The following TOGARAM2 variants were observed in gnomAD, a reference collection of about 807,000 sequenced individuals.
The protein encoded by TOGARAM2 is TOG array regulator of axonemal microtubules 2.
In TOGARAM2, 85 loss-of-function variants were observed where a neutral mutation model predicts 93.3. That is an observed-to-expected ratio of 0.91 (90% CI 0.76 to 1.09). TOGARAM2 has a LOEUF of 1.09. Among genes scored for constraint, TOGARAM2 ranks in the 50% least tolerant of loss-of-function variants. The pLI, the probability that TOGARAM2 is intolerant of heterozygous loss-of-function variation, is 0.00. For synonymous variants in TOGARAM2, 593 were observed against 552.8 expected, an observed-to-expected ratio of 1.07 and a Z score of -1.02; for missense variants, 1,277 against 1,334.5, an observed-to-expected ratio of 0.96 and a Z score of 0.67.
upstream of TOGARAM2, among the ~76,000 whole-genome samples, chr2:28,979,472 G>T (rs1173716360): frequency 6.6e-6 from 1 of 152,206 alleles, no homozygotes; most frequent in African/African-American, 2.4e-5. Flanking sequence ...GAATCCAGGG[G>T]CTTCAGAGCC....
intron 4 of TOGARAM2, among the ~76,000 whole-genome samples, chr2:29,001,941 C>T (rs1261548286): frequency 6.6e-6 from 1 of 151,984 alleles, no homozygotes; most frequent in East Asian, 1.9e-4. Flanking sequence ...TTGCCCTGTG[C>T]CTTTGCCTGA....
intron 6 of TOGARAM2, among the ~76,000 whole-genome samples, chr2:29,005,724 CAT>C (rs1663706936): frequency 9.7e-6 from 1 of 103,532 alleles, no homozygotes. Flanking sequence ...TGCATGTGTG[CAT>C]GTGTGTGAGC....
At chr2:29,034,535 G>C (rs1665966325) in intron 16 of TOGARAM2, among the ~76,000 whole-genome samples, 3 of 152,346 alleles carry the variant, frequency 2.0e-5, no homozygotes, top group Admixed American at 2.0e-4. Context: ...AATGAGTGTG[G>C]AATGCAGGAG....
chr2:29,044,886 C>T (rs1396729575), intron 18 of TOGARAM2, among the ~76,000 whole-genome samples: 1 of 151,966 alleles, frequency 6.6e-6, no homozygotes, highest in Non-Finnish European at 1.5e-5. Flanking sequence ...GATTCTGTTT[C>T]CCCTAAAACA....
At chr2:28,988,508 A>G (rs1454798281) in intron 1 of TOGARAM2, among the ~76,000 whole-genome samples, 1 of 151,832 alleles carries the variant, frequency 6.6e-6, no homozygotes, top group Non-Finnish European at 1.5e-5. Context: ...CCGCTCCATC[A>G]GCTCCCCTCC....
At chr2:29,045,496 T>C (rs1349711774) in intron 19 of TOGARAM2, 86 bp downstream of exon 19, 5 of 1,204,580 alleles carry the variant, frequency 4.2e-6, no homozygotes, top group Non-Finnish European at 6.1e-6. Flanking sequence ...CACCCAGTTA[T>C]CTTAGACCTG....
chr2:29,029,401 C>T (rs920896710), intron 14 of TOGARAM2, among the ~76,000 whole-genome samples: 9 of 151,980 alleles, frequency 5.9e-5, no homozygotes, highest in African/African-American at 1.9e-4. Context: ...GAATGGAAAA[C>T]CAAACATCGT....
intron 14 of TOGARAM2, among the ~76,000 whole-genome samples, chr2:29,029,974 G>A (rs1164876053): frequency 6.6e-6 from 1 of 151,970 alleles, no homozygotes; most frequent in Non-Finnish European, 1.5e-5. Context: ...ACAAAAACAG[G>A]CAAACAAAAC....
At chr2:28,960,827 T>C (rs1243740121) in intron 1 of TOGARAM2, among the ~76,000 whole-genome samples, 1 of 152,200 alleles carries the variant, frequency 6.6e-6, no homozygotes, top group Admixed American at 6.5e-5. Flanking sequence ...TGTGGCTGAG[T>C]GACAGAATTG....
At chr2:28,976,160 G>A (rs957883613) in intron 1 of TOGARAM2, among the ~76,000 whole-genome samples, 1 of 152,174 alleles carries the variant, frequency 6.6e-6, no homozygotes, top group Non-Finnish European at 1.5e-5. Flanking sequence ...CACGAGGTCA[G>A]GAGATCGAGA....
At chr2:28,964,667 A>G (rs1297395923) in intron 1 of TOGARAM2, among the ~76,000 whole-genome samples, 1 of 95,028 alleles carries the variant, frequency 1.1e-5, no homozygotes, top group Non-Finnish European at 2.1e-5. Flanking sequence ...GGCCCCTTCC[A>G]TGTGTTGTTC....
At chr2:28,982,489 C>T (rs1245415766) in intron 1 of TOGARAM2, among the ~76,000 whole-genome samples, 2 of 152,190 alleles carry the variant, frequency 1.3e-5, no homozygotes, top group Non-Finnish European at 2.9e-5. Context: ...CCTCGCTCTT[C>T]TCACCAATGC....
chr2:29,036,461 T>G, intron 17 of TOGARAM2, 80 bp from the exon 18 acceptor site: 4 of 1,387,608 alleles, frequency 2.9e-6, no homozygotes, highest in Non-Finnish European at 4.1e-6. Context: ...TTGGGCCAGG[T>G]GAGCTCCAAG....
chr2:29,017,441 C>A, intron 9 of TOGARAM2, 137 bp downstream of exon 9: 1 of 937,756 alleles, frequency 1.1e-6, no homozygotes, highest in Non-Finnish European at 1.5e-6. Context: ...GAGCCTCACT[C>A]TGTGGCCCAG....
At chr2:29,022,885 A>G (rs1416330717) in intron 11 of TOGARAM2, among the ~76,000 whole-genome samples, 1 of 152,204 alleles carries the variant, frequency 6.6e-6, no homozygotes, top group Non-Finnish European at 1.5e-5. Flanking sequence ...CAGAGGCCAC[A>G]TAAAACTGGC....
At chr2:28,997,094 A>G (rs1284577067) in intron 2 of TOGARAM2, among the ~76,000 whole-genome samples, 4 of 152,214 alleles carry the variant, frequency 2.6e-5, no homozygotes, top group African/African-American at 4.8e-5. Flanking sequence ...CAGGCAACAA[A>G]AGCAAAAATA....
intron 18 of TOGARAM2, 131 bp from the exon 19 acceptor site, chr2:29,045,193 G>C (rs966973924): frequency 1.5e-6 from 1 of 684,070 alleles, no homozygotes; most frequent in African/African-American, 1.8e-5. Context: ...TTTGTGACCT[G>C]GAAAAATTAA....
At chr2:29,033,293 C>T in intron 15 of TOGARAM2, 176 bp from the exon 16 acceptor site, 1 of 700,486 alleles carries the variant, frequency 1.4e-6, no homozygotes, top group South Asian at 1.9e-5. Context: ...ATCTGTTAAC[C>T]AGGGATCTTG....
At chr2:29,009,099 CAG>C (rs1209070022) in intron 6 of TOGARAM2, among the ~76,000 whole-genome samples, 2 of 152,184 alleles carry the variant, frequency 1.3e-5, no homozygotes, top group Non-Finnish European at 2.9e-5. Context: ...AGGTGAAGTT[CAG>C]AGAGGTGGGT....
Sources: allele counts gnomAD v4.1 joint callset (sites outside exome capture counted in the v4.1 genomes callset), GRCh38; gene constraint gnomAD v4.1.1; transcripts MANE v1.5; gene names NCBI Gene and HGNC (gene_info 2026-07-23, HGNC 2026-07-21).